NTRK3: variants seen among roughly 807,000 people sequenced by gnomAD.
NTRK3 encodes neurotrophic receptor tyrosine kinase 3, also known as NT-3 growth factor receptor.
Under a neutral mutation model 91.7 loss-of-function variants are expected in NTRK3, and 24 were observed. That is an observed-to-expected ratio of 0.26 (90% CI 0.19 to 0.37). NTRK3 has a LOEUF of 0.37. NTRK3 is among the 10% of genes least tolerant of loss of function. The pLI is 1.00. For missense variants in NTRK3, 880 were observed against 1,068.9 expected (o/e 0.82, Z 2.46); for synonymous variants, 483 against 404.0 (o/e 1.20, Z -2.34).
At chr15:87,977,769 G>C in intron 14 of NTRK3, 1 of 232,260 alleles carries the variant, frequency 4.3e-6, no homozygotes, top group Middle Eastern at 1.3e-3. Context: ...AACTTGGAAA[G>C]CCTCATGTTT....
chr15:87,981,311 A>G, intron 14 of NTRK3: 1 of 1,599,244 alleles, frequency 6.3e-7, no homozygotes. Flanking sequence ...GATGATCTCT[A>G]TTGTCCTTCA....
intron 13 of NTRK3, among the ~76,000 whole-genome samples, chr15:88,083,487 G>A (rs1239712101): frequency 2.6e-5 from 4 of 152,302 alleles, no homozygotes; most frequent in African/African-American, 2.4e-5. Flanking sequence ...CTCCCAAAGT[G>A]CTGGGATTAT....
intron 13 of NTRK3, among the ~76,000 whole-genome samples, chr15:88,101,098 A>C (rs1353053315): frequency 1.3e-5 from 2 of 152,224 alleles, no homozygotes; most frequent in African/African-American, 4.8e-5. Context: ...AATGGGAGAA[A>C]ATTTTTGCAA....
In NTRK3 at chr15:88,235,093, C is replaced by G. The variant is rs1029051535; in HGVS notation, c.248+20813G>C. Among the ~76,000 whole-genome samples the G allele has an allele frequency of 6.6e-6, 1 of 152,214 alleles. No homozygotes were observed. The highest frequency in any genetic ancestry group is 2.4e-5 in the African/African-American group (1 of 41,458). On this transcript the variant is annotated intron_variant, in intron 3 of 18. Transcript: ENST00000394480. This position sits in a 1 kb window ranked among gnomAD's most constrained non-coding sequence, Gnocchi z 5.2. ...ACACAAAGGCAGCCTCCTCACCTCCCCATCATGCCTCATAACAGAGCACTC... is the reference window on the plus strand; with the variant it reads ...ACACAAAGGCAGCCTCCTCACCTCCGCATCATGCCTCATAACAGAGCACTC...
In NTRK3 at chr15:87,916,455, C is replaced by T. The variant is rs78384915; in HGVS notation, c.2133+12736G>A. On this transcript the variant is annotated intron_variant, in intron 17 of 18. Coordinates refer to ENST00000394480, the Ensembl canonical transcript of NTRK3. ...CTCCTTCAGCCTTTTCCTCTCCTTT[C>T]CCGAGGACAGAATCCAATATAAGCA... 6.2e-3 allele frequency: 4,371 copies of T among 699,654 alleles called. 78 individuals carry two copies. The highest frequency in any genetic ancestry group is 0.033 in the East Asian group (1,241 of 37,192). The allele number at this position is 699,654 out of a possible 1,614,324, so 43.3% of individuals were successfully genotyped here. A position where few individuals can be genotyped will look rare whatever the true frequency, so the allele number is the denominator to read the frequency against.
At chr15:88,009,317 A>C (rs2141732504) in intron 14 of NTRK3, among the ~76,000 whole-genome samples, 1 of 152,322 alleles carries the variant, frequency 6.6e-6, no homozygotes, top group South Asian at 2.1e-4. Context: ...CACAAACTAA[A>C]ATGGCCACAA....
intron 14 of NTRK3, among the ~76,000 whole-genome samples, chr15:87,957,408 G>C (rs1157327423): frequency 6.6e-6 from 1 of 152,164 alleles, no homozygotes. Context: ...GCTTCATTAA[G>C]AGATTGGGCT....
At chr15:87,894,052 T>C (rs1434666440) in intron 17 of NTRK3, among the ~76,000 whole-genome samples, 1 of 152,254 alleles carries the variant, frequency 6.6e-6, no homozygotes, top group Non-Finnish European at 1.5e-5. Context: ...CATTTTTTTA[T>C]TTATTAAAAT....
intron 17 of NTRK3, among the ~76,000 whole-genome samples, chr15:87,899,749 G>C (rs1468339195): frequency 6.6e-6 from 1 of 152,166 alleles, no homozygotes; most frequent in African/African-American, 2.4e-5. Context: ...AGGGTAGTCG[G>C]ATGCACATCA....
intron 14 of NTRK3, among the ~76,000 whole-genome samples, chr15:87,992,505 T>C (rs145090646): frequency 0.019 from 2,883 of 152,364 alleles, 31 homozygotes; most frequent in Non-Finnish European, 0.028. Context: ...TTCAGACGCA[T>C]ACACTACAAT....
intron 13 of NTRK3, among the ~76,000 whole-genome samples, chr15:88,111,822 A>G (rs1019002682): frequency 1.3e-5 from 2 of 152,036 alleles, no homozygotes; most frequent in African/African-American, 2.4e-5. Flanking sequence ...GATGGTAACA[A>G]TGATACAATT....
At chr15:88,146,640 A>G (rs138532477) in intron 6 of NTRK3, among the ~76,000 whole-genome samples, 20 of 152,316 alleles carry the variant, frequency 1.3e-4, no homozygotes, top group African/African-American at 3.4e-4. Flanking sequence ...GTTTGTGCAG[A>G]ATGGCTGGCT....
chr15:88,078,393 C>T (rs113215779), intron 13 of NTRK3, among the ~76,000 whole-genome samples: 2,259 of 152,296 alleles, frequency 0.015, 48 homozygotes, highest in African/African-American at 0.051. Context: ...CGGTGGCTCA[C>T]GCCTGTAATC....
intron 18 of NTRK3, among the ~76,000 whole-genome samples, chr15:87,879,754 T>C (rs569766235): frequency 6.6e-6 from 1 of 152,136 alleles, no homozygotes; most frequent in African/African-American, 2.4e-5. Flanking sequence ...CTAATAAACA[T>C]AGTAAAAACA....
chr15:88,058,359 C>T (rs1268534689), intron 13 of NTRK3, among the ~76,000 whole-genome samples: 1 of 152,188 alleles, frequency 6.6e-6, no homozygotes, highest in Non-Finnish European at 1.5e-5. Flanking sequence ...GATAGCCAAC[C>T]TCATAGGATT....
exon 15 of NTRK3, chr15:87,940,690 C>T (rs1367864611): frequency 6.2e-7 from 1 of 1,614,026 alleles, no homozygotes; most frequent in Non-Finnish European, 8.5e-7. Flanking sequence ...GAAGACCTTT[C>T]CAAAGGCTCC....
intron 13 of NTRK3, among the ~76,000 whole-genome samples, chr15:88,057,297 G>A (rs2045800766): frequency 6.6e-6 from 1 of 151,508 alleles, no homozygotes; most frequent in South Asian, 2.1e-4. Flanking sequence ...AGGAGTTTGA[G>A]ACCAGCCTGG....
At chr15:88,148,503 G>C (rs2043085371) in intron 5 of NTRK3, among the ~76,000 whole-genome samples, 1 of 152,142 alleles carries the variant, frequency 6.6e-6, no homozygotes. Flanking sequence ...GAAGAAGAAA[G>C]AGCTGAGTAC....
intron 5 of NTRK3, among the ~76,000 whole-genome samples, chr15:88,153,660 T>TTTATTTC (rs2043610779): frequency 6.6e-6 from 1 of 152,132 alleles, no homozygotes; most frequent in African/African-American, 2.4e-5. Context: ...ACAATAGGAA[T>TTTATTTC]TTATTTCTTA....
Sources: gnomAD v4.1 joint callset for allele counts (sites outside exome capture counted in the v4.1 genomes callset) on GRCh38, gnomAD v4.1.1 for gene constraint, Gnocchi (gnomAD v3.1) non-coding constraint, MANE v1.5 for transcripts, NCBI Gene and HGNC (gene_info 2026-07-23, HGNC 2026-07-21) for gene names.